Variants in ENTREP2 observed in about 807,000 individuals in gnomAD.
ENTREP2 encodes the protein endosomal transmembrane epsin interactor 2.
chr15:29,411,117 T>C, the ENTREP2 span, among the ~76,000 whole-genome samples: 5 of 152,252 alleles, frequency 3.3e-5, no homozygotes, highest in African/African-American at 9.6e-5. Flanking sequence ...CTTCTGCTGA[T>C]GAACATCTGC....
chr15:29,362,998 T>A, the ENTREP2 span, among the ~76,000 whole-genome samples: 1 of 152,320 alleles, frequency 6.6e-6, no homozygotes, highest in East Asian at 1.9e-4. Context: ...TCCATTTTCA[T>A]AAACGAGGTG....
At chr15:29,257,673 T>C in the ENTREP2 span, among the ~76,000 whole-genome samples, 1 of 152,194 alleles carries the variant, frequency 6.6e-6, no homozygotes, top group Non-Finnish European at 1.5e-5. Flanking sequence ...ACCTTAAAAA[T>C]GTAAGCTAAA....
At chr15:29,209,141 G>A in the ENTREP2 span, among the ~76,000 whole-genome samples, 6 of 152,142 alleles carry the variant, frequency 3.9e-5, no homozygotes, top group Non-Finnish European at 7.3e-5. Context: ...ACTAGGTTCA[G>A]TACTTACAAT....
the ENTREP2 span, among the ~76,000 whole-genome samples, chr15:29,415,577 T>C: frequency 6.6e-6 from 1 of 152,086 alleles, no homozygotes; most frequent in Non-Finnish European, 1.5e-5. Context: ...GCATTCCCTT[T>C]GAAAACTGGC....
the ENTREP2 span, among the ~76,000 whole-genome samples, chr15:29,310,921 A>C: frequency 6.6e-6 from 1 of 152,340 alleles, no homozygotes; most frequent in African/African-American, 2.4e-5. Context: ...CATCACTGCA[A>C]ATCTAGTAAA....
the ENTREP2 span, among the ~76,000 whole-genome samples, chr15:29,133,449 C>T: frequency 6.6e-6 from 1 of 152,278 alleles, no homozygotes; most frequent in Admixed American, 6.5e-5. Context: ...AAACCACAGC[C>T]ACACCTGCGC....
the ENTREP2 span, among the ~76,000 whole-genome samples, chr15:29,617,786 G>A: frequency 3.3e-5 from 5 of 152,296 alleles, 1 homozygote; most frequent in South Asian, 6.2e-4. Context: ...GTCTCATCCC[G>A]ATGGCTGCAC....
the ENTREP2 span, among the ~76,000 whole-genome samples, chr15:29,179,295 A>T: frequency 6.6e-6 from 1 of 152,268 alleles, no homozygotes; most frequent in Admixed American, 6.5e-5. Flanking sequence ...TGTGGTGAGT[A>T]TAGGAGCCAT....
chr15:29,126,623 G>T, the ENTREP2 span: 1 of 730,456 alleles, frequency 1.4e-6, no homozygotes, highest in Non-Finnish European at 2.3e-6. Flanking sequence ...GGATAAGATT[G>T]ACAAATGCTG....
chr15:29,538,342 A>C, the ENTREP2 span, among the ~76,000 whole-genome samples: 1 of 152,194 alleles, frequency 6.6e-6, no homozygotes, highest in Admixed American at 6.5e-5. Flanking sequence ...ACAGAGTATA[A>C]GGAAGGAGAG....
At chr15:29,559,403 G>A in the ENTREP2 span, among the ~76,000 whole-genome samples, 1 of 152,036 alleles carries the variant, frequency 6.6e-6, no homozygotes, top group African/African-American at 2.4e-5. Context: ...CCCCTCCTGT[G>A]TCCCCAGAAT....
chr15:29,240,342 G>A, the ENTREP2 span, among the ~76,000 whole-genome samples: 1 of 150,262 alleles, frequency 6.7e-6, no homozygotes. Context: ...CAGCCTGAGC[G>A]ACAGAGCGAG....
the ENTREP2 span, among the ~76,000 whole-genome samples, chr15:29,535,309 T>G: frequency 6.6e-6 from 1 of 152,136 alleles, no homozygotes; most frequent in Admixed American, 6.5e-5. Context: ...GAGTGTCCCT[T>G]ATAACATTCT....
At chr15:29,645,321 T>C in the ENTREP2 span, among the ~76,000 whole-genome samples, 55 of 152,158 alleles carry the variant, frequency 3.6e-4, no homozygotes, top group African/African-American at 1.2e-3. Context: ...GCAGGGACTT[T>C]GGAAAAATGT....
At chr15:29,192,881 C>T in the ENTREP2 span, among the ~76,000 whole-genome samples, 4 of 152,108 alleles carry the variant, frequency 2.6e-5, no homozygotes, top group Non-Finnish European at 5.9e-5. Flanking sequence ...TCTAAGCAGA[C>T]GTAGTAAAAG....
the ENTREP2 span, among the ~76,000 whole-genome samples, chr15:29,591,735 G>A: frequency 1.3e-5 from 2 of 151,960 alleles, no homozygotes; most frequent in African/African-American, 4.8e-5. Context: ...CTACTCAGGA[G>A]GCTGAGGTGG....
chr15:29,547,090 ATT>A, the ENTREP2 span, among the ~76,000 whole-genome samples: 60,512 of 141,692 alleles, frequency 0.43, 13,057 homozygotes, highest in African/African-American at 0.56. Flanking sequence ...TATTGACTCA[ATT>A]TTTTTTTTTT....
the ENTREP2 span, among the ~76,000 whole-genome samples, chr15:29,617,176 A>G: frequency 1.3e-5 from 2 of 152,144 alleles, no homozygotes; most frequent in Non-Finnish European, 2.9e-5. Flanking sequence ...GAGGCCCGGG[A>G]AAGCCAGGGG....
chr15:29,657,037 G>A, the ENTREP2 span, among the ~76,000 whole-genome samples: 3 of 152,144 alleles, frequency 2.0e-5, no homozygotes, highest in East Asian at 3.9e-4. Flanking sequence ...CCGGGCCTTC[G>A]TGGTGAGTGT....
Sources: allele counts gnomAD v4.1 joint callset (sites outside exome capture counted in the v4.1 genomes callset), GRCh38; gene constraint gnomAD v4.1.1; transcripts MANE v1.5; gene names NCBI Gene and HGNC (gene_info 2026-07-23, HGNC 2026-07-21).